EPB41L4A: variants seen among roughly 807,000 people sequenced by gnomAD.
EPB41L4A encodes band 4.1-like protein 4A.
A neutral mutation model predicts 108.6 loss-of-function variants in EPB41L4A; 100 were observed. The observed-to-expected ratio is 0.92, with a 90% CI of 0.78 to 1.09. EPB41L4A has a LOEUF of 1.09. Among genes scored for constraint, EPB41L4A ranks in the 50% least tolerant of loss-of-function variants. EPB41L4A has a pLI of 0.00. For missense variants in EPB41L4A, 1,030 were observed against 842.7 expected (o/e 1.22, Z -2.75); for synonymous variants, 319 against 289.0 (o/e 1.10, Z -1.05).
At chr5:112,305,616 AC>A in intron 2 of EPB41L4A, among the ~76,000 whole-genome samples, 1 of 152,312 alleles carries the variant, frequency 6.6e-6, no homozygotes, top group African/African-American at 2.4e-5. Flanking sequence ...AAGATGAAGT[AC>A]AAAATTTCAT....
intron 13 of EPB41L4A, among the ~76,000 whole-genome samples, chr5:112,145,178 T>C (rs1220160612): frequency 1.3e-5 from 2 of 152,114 alleles, no homozygotes; most frequent in African/African-American, 2.4e-5. Context: ...TAATCCCAGC[T>C]ACTTGGGAGG....
At chr5:112,263,788 T>A (rs1751657578) in intron 6 of EPB41L4A, 1 of 152,296 alleles carries the variant, frequency 6.6e-6, no homozygotes. Context: ...AACATTTTTT[T>A]GTGACCAGAT....
chr5:112,332,289 C>A (rs908514369), intron 1 of EPB41L4A, among the ~76,000 whole-genome samples: 1 of 152,140 alleles, frequency 6.6e-6, no homozygotes, highest in Non-Finnish European at 1.5e-5. Flanking sequence ...TTAAATTATT[C>A]TTGATGAAAC....
intron 12 of EPB41L4A, among the ~76,000 whole-genome samples, chr5:112,224,409 T>C (rs1371742623): frequency 6.6e-6 from 1 of 152,204 alleles, no homozygotes; most frequent in Admixed American, 6.5e-5. Flanking sequence ...AAAAAAACTT[T>C]CTAAAATTCC....
intron 1 of EPB41L4A, among the ~76,000 whole-genome samples, chr5:112,330,846 G>C (rs821738): frequency 6.6e-6 from 1 of 151,900 alleles, no homozygotes; most frequent in East Asian, 1.9e-4. Flanking sequence ...AAATCATCAA[G>C]AGTGATTACC....
At chr5:112,186,672 A>G (rs924080738) in intron 17 of EPB41L4A, among the ~76,000 whole-genome samples, 2 of 152,190 alleles carry the variant, frequency 1.3e-5, no homozygotes, top group African/African-American at 2.4e-5. Flanking sequence ...ACAGAAGCAC[A>G]TTTTCCTGAG....
rs553315550 is a variant in EPB41L4A, at chr5:112,379,753, G to A, written c.99+39188C>T. 2.0e-4 allele frequency among the ~76,000 whole-genome samples: 30 copies of A among 152,262 alleles called. No individual in the cohort carries two copies. The East Asian group carries it at 5.8e-3, about 29-fold the overall frequency. On this transcript the variant is annotated intron_variant, in intron 1 of 22. Transcript: ENST00000261486. ...TCAGACTTTGATCTAAGGCTTACCC[G>A]AAGGCACAATACATTCCCTAGCAGT...
At chr5:112,328,385 AAAGATTATTACAAAT>A (rs1475103533) in intron 1 of EPB41L4A, among the ~76,000 whole-genome samples, 20 of 90,736 alleles carry the variant, frequency 2.2e-4, no homozygotes, top group African/African-American at 1.9e-3. Flanking sequence ...TTTCCCAAAG[AAAGATTATTACAAAT>A]AAAGATCTGT....
At chr5:112,173,906 T>C (rs1354200203) in intron 18 of EPB41L4A, among the ~76,000 whole-genome samples, 1 of 152,180 alleles carries the variant, frequency 6.6e-6, no homozygotes, top group South Asian at 2.1e-4. Flanking sequence ...CCTCCCAAAA[T>C]GCTGGGATTG....
intron 12 of EPB41L4A, among the ~76,000 whole-genome samples, chr5:112,226,672 G>A (rs1748476238): frequency 6.6e-6 from 1 of 150,686 alleles, no homozygotes; most frequent in Admixed American, 6.6e-5. Flanking sequence ...GTGGGGAGGA[G>A]AGGAGGGTAG....
At chr5:112,221,165 C>A (rs916747692) in intron 12 of EPB41L4A, among the ~76,000 whole-genome samples, 20 of 152,148 alleles carry the variant, frequency 1.3e-4, no homozygotes, top group Admixed American at 1.2e-3. Context: ...GTTGCATACA[C>A]GAGCCTGAAA....
intron 1 of EPB41L4A, among the ~76,000 whole-genome samples, chr5:112,408,202 T>G (rs958394454): frequency 3.9e-5 from 6 of 152,038 alleles, no homozygotes; most frequent in Non-Finnish European, 8.8e-5. Context: ...CATGTGCAAA[T>G]GAAGAATGGG....
At chr5:112,225,437 T>C (rs768272517) in intron 12 of EPB41L4A, among the ~76,000 whole-genome samples, 5 of 152,228 alleles carry the variant, frequency 3.3e-5, no homozygotes, top group Non-Finnish European at 7.3e-5. Context: ...GTAAGAACAA[T>C]GTCTCAGCTC....
intron 18 of EPB41L4A, among the ~76,000 whole-genome samples, chr5:112,182,429 T>C (rs1175011223): frequency 6.6e-6 from 1 of 152,224 alleles, no homozygotes; most frequent in African/African-American, 2.4e-5. Context: ...AAATGAATGG[T>C]TCCATTTATT....
chr5:112,242,522 A>T (rs1749864928), intron 9 of EPB41L4A, among the ~76,000 whole-genome samples: 1 of 152,152 alleles, frequency 6.6e-6, no homozygotes, highest in Non-Finnish European at 1.5e-5. Flanking sequence ...GACCCCTCAA[A>T]GTCATCGTGG....
In EPB41L4A at chr5:112,342,999, G is replaced by A. The variant is rs759648185; in HGVS notation, c.100-35509C>T. On this transcript the variant is annotated intron_variant, in intron 1 of 22. Transcript: ENST00000261486. ...ATGTACAACTGACTTTAAATGAAAA[G>A]TGTCATATTCAGAATGTGGCCGATA... 1.4e-4 allele frequency among the ~76,000 whole-genome samples: 22 copies of A among 152,158 alleles called. 1 individual carries two copies. The highest frequency in any genetic ancestry group is 2.6e-4 in the Admixed American group (4 of 15,280).
rs55873492 is a variant in EPB41L4A, at chr5:112,273,389, T to C, written c.335+1937A>G. On this transcript the variant is annotated intron_variant, in intron 4 of 22. Coordinates refer to ENST00000261486, the MANE Select transcript of EPB41L4A (RefSeq NM_022140.5). ...TTAATGAGCCATCAGTAGATTCTGT[T>C]GGGAAATTCCTGTTCATGTGTGTGG... 5.8e-3 allele frequency among the ~76,000 whole-genome samples: 877 copies of C among 152,332 alleles called. 3 individuals carry two copies. The highest frequency in any genetic ancestry group is 0.01 in the Middle Eastern group (3 of 294).
In EPB41L4A at chr5:112,338,948, A is replaced by G. The variant is rs114666278; in HGVS notation, c.100-31458T>C. ...TCCCTCTGTCTCCTGCTGTGCTCAC[A>G]CTTTATCTCCAGACCATTTTGGCGC... On this transcript the variant is annotated intron_variant, in intron 1 of 22. Transcript: ENST00000261486. Among the ~76,000 whole-genome samples, 464 of 152,240 alleles carry G rather than the reference A, an allele frequency of 3.0e-3. 4 individuals are homozygous for G. Among genetic ancestry groups the G allele is most frequent in the Middle Eastern group, 6.8e-3 (2 of 294 alleles).
At chr5:112,271,607 T>G (rs10059647) in intron 4 of EPB41L4A, among the ~76,000 whole-genome samples, 54,492 of 152,088 alleles carry the variant, frequency 0.36, 11,526 homozygotes, top group South Asian at 0.59. Flanking sequence ...AACAAATGTA[T>G]GTATTATACT....
Sources: gnomAD v4.1 joint callset for allele counts (sites outside exome capture counted in the v4.1 genomes callset) on GRCh38, gnomAD v4.1.1 for gene constraint, MANE v1.5 for transcripts, NCBI Gene and HGNC (gene_info 2026-07-23, HGNC 2026-07-21) for gene names.